The following NRXN1 variants were observed in gnomAD, a reference collection of about 807,000 sequenced individuals.
NRXN1 encodes the protein neurexin 1, also known as neurexin-1.
Under a neutral mutation model 150.9 loss-of-function variants are expected in NRXN1, and 39 were observed. The ratio of observed to expected loss-of-function variants is 0.26; its 90% CI spans 0.20 to 0.34. The LOEUF is 0.34. NRXN1 is among the 10% of genes least tolerant of loss of function. NRXN1 has a pLI of 1.00. For missense variants in NRXN1, 1,815 were observed against 1,949.9 expected, an observed-to-expected ratio of 0.93 and a Z score of 1.30; for synonymous variants, 924 against 757.0, an observed-to-expected ratio of 1.22 and a Z score of -3.62.
Position 51,028,199 on chromosome 2 carries a change from C to T in NRXN1, c.75G>A (p.Ala25=), listed in dbSNP as rs376641324. ...GAAACTCCAGCCCGCTGCCCAGCTC[C>T]GCCCAGCAGCCCAGGAGCAGCAGCG... ...CLSLLLLGCW[A]ELGSGLEFPG... is the part of the protein sequence containing the mutation. Residue 25 remains alanine, a synonymous_variant, in exon 2 of 23, where the codon GCG becomes GCA. Transcript: ENST00000401669. The T allele has an allele frequency of 7.4e-6, 11 of 1,492,806 alleles. No individual in the cohort carries two copies. The highest frequency in any genetic ancestry group is 9.8e-6 in the Non-Finnish European group (11 of 1,127,402). 92.5% of individuals were successfully genotyped at this position (1,492,806 alleles called of 1,614,324 possible). A position where few individuals can be genotyped will look rare whatever the true frequency, so the allele number is the denominator to read the frequency against.
intron 5 of NRXN1, among the ~76,000 whole-genome samples, chr2:50,771,916 C>A (rs1703056912): frequency 6.6e-6 from 1 of 151,904 alleles, no homozygotes. Flanking sequence ...CAAATGATAA[C>A]AAAACAGATA....
At chr2:50,649,756 C>G (rs1258678285) in intron 5 of NRXN1, among the ~76,000 whole-genome samples, 1 of 151,964 alleles carries the variant, frequency 6.6e-6, no homozygotes, top group Non-Finnish European at 1.5e-5. Flanking sequence ...GAAGGCAACT[C>G]CTTAGAGCAA....
chr2:50,680,525 A>C (rs955101084), intron 5 of NRXN1, among the ~76,000 whole-genome samples: 3 of 152,212 alleles, frequency 2.0e-5, no homozygotes, highest in Admixed American at 2.0e-4. Flanking sequence ...AAAGTCAAAC[A>C]TATGAATAAA....
In NRXN1 at chr2:50,566,409, A is replaced by ATTTTTTTT. The variant is rs35437819; in HGVS notation, c.1321-13392_1321-13385dup. Among the ~76,000 whole-genome samples, 19 of 130,054 alleles carry ATTTTTTTT rather than the reference A, an allele frequency of 1.5e-4. 1 individual carries two copies. Among genetic ancestry groups the ATTTTTTTT allele is most frequent in the African/African-American group, 5.0e-4 (17 of 34,010 alleles). The allele number at this position is 130,054 out of a possible 152,430, so 85.3% of individuals were successfully genotyped here. On this transcript the variant is annotated intron_variant, in intron 8 of 22. Transcript: ENST00000401669. Reference sequence around the variant, plus strand: ...CAGGCACGTGCCACCACGCCCAGCTATTTTTTTTTTTTTTTTTGTATTTTT... The same window carrying ATTTTTTTT: ...CAGGCACGTGCCACCACGCCCAGCTATTTTTTTTTTTTTTTTTTTTTTTTTGTATTTTT...
intron 8 of NRXN1, among the ~76,000 whole-genome samples, chr2:50,561,781 T>C (rs1669120902): frequency 6.7e-6 from 1 of 149,108 alleles, no homozygotes; most frequent in East Asian, 2.0e-4. Flanking sequence ...AAAATTGCAG[T>C]AATTTCCCCC....
intron 12 of NRXN1, among the ~76,000 whole-genome samples, chr2:50,524,602 CA>C (rs1243800472): frequency 1.3e-5 from 2 of 151,812 alleles, no homozygotes; most frequent in East Asian, 1.9e-4. Context: ...TTTGGAAAAA[CA>C]AAAAGAATAG....
intron 19 of NRXN1, among the ~76,000 whole-genome samples, chr2:50,088,278 G>A (rs556797692): frequency 2.6e-5 from 4 of 152,212 alleles, no homozygotes; most frequent in African/African-American, 9.6e-5. Flanking sequence ...AGAGAAAAAG[G>A]TATTTGAAAT....
chr2:50,196,948 C>G (rs2061811162), intron 18 of NRXN1, among the ~76,000 whole-genome samples: 1 of 152,090 alleles, frequency 6.6e-6, no homozygotes, highest in Admixed American at 6.6e-5. Flanking sequence ...AAAAAGACAA[C>G]TGTCGGGTAC....
At chr2:50,935,099 T>C (rs1688327247) in intron 2 of NRXN1, among the ~76,000 whole-genome samples, 1 of 152,210 alleles carries the variant, frequency 6.6e-6, no homozygotes, top group South Asian at 2.1e-4. Flanking sequence ...TGTAAGAGTT[T>C]AATAAGCTTT....
At chr2:50,824,930 T>C (rs992960294) in intron 5 of NRXN1, among the ~76,000 whole-genome samples, 9 of 152,218 alleles carry the variant, frequency 5.9e-5, no homozygotes, top group Admixed American at 5.9e-4. Flanking sequence ...CAATTTGTTA[T>C]TATGTTTTTC....
In NRXN1 at chr2:51,027,503, T is replaced by C. The variant is rs1307802785; in HGVS notation, c.771A>G (p.Gln257=). The C allele has an allele frequency of 1.9e-5, 29 of 1,524,820 alleles. No individual in the cohort carries two copies. Among genetic ancestry groups the C allele is most frequent in the Admixed American group, 4.0e-5 (2 of 49,526 alleles). The allele number at this position is 1,524,820 out of a possible 1,614,324, so 94.5% of individuals were successfully genotyped here. ...RTGFRGKDCS[Q]EDNNVEGLAH... Reference sequence around the variant, plus strand: ...CGTGGGTCGGGCGTCGGGCCTTACCTTGGCTGCAGTCCTTGCCGCGGAAGC... The same window carrying C: ...CGTGGGTCGGGCGTCGGGCCTTACCCTGGCTGCAGTCCTTGCCGCGGAAGC... The change falls in exon 2 of 23, where the codon CAA becomes CAG. Residue 257 remains glutamine (Q), a splice_region_variant and synonymous_variant. Coordinates refer to ENST00000401669, the MANE Select transcript of NRXN1 (RefSeq NM_001330078.2).
chr2:50,610,203 A>G (rs1334958694), intron 8 of NRXN1, among the ~76,000 whole-genome samples: 12 of 152,164 alleles, frequency 7.9e-5, no homozygotes, highest in Admixed American at 7.9e-4. Context: ...TGAACTTCAG[A>G]TTTTTAAAAA....
intron 8 of NRXN1, among the ~76,000 whole-genome samples, chr2:50,568,205 T>C (rs1323511828): frequency 6.6e-6 from 1 of 152,054 alleles, no homozygotes; most frequent in African/African-American, 2.4e-5. Flanking sequence ...ATAATGATCC[T>C]AAGAAACTCT....
intron 18 of NRXN1, among the ~76,000 whole-genome samples, chr2:50,227,518 T>C (rs1476443160): frequency 6.6e-6 from 1 of 151,936 alleles, no homozygotes; most frequent in African/African-American, 2.4e-5. Context: ...AGCTCATAAG[T>C]GAGCAAAATT....
At chr2:50,259,279 T>G (rs1373125535) in intron 17 of NRXN1, among the ~76,000 whole-genome samples, 2 of 151,794 alleles carry the variant, frequency 1.3e-5, no homozygotes, top group Non-Finnish European at 2.9e-5. Flanking sequence ...TTAGCTAAAT[T>G]TTTTTTTATA....
chr2:50,802,540 A>AGGAG (rs1707756349), intron 5 of NRXN1, among the ~76,000 whole-genome samples: 2 of 147,210 alleles, frequency 1.4e-5, no homozygotes, highest in Admixed American at 6.8e-5. Context: ...GAAGGAAGGA[A>AGGAG]GGAAGGAAGG....
intron 5 of NRXN1, among the ~76,000 whole-genome samples, chr2:50,667,531 A>C (rs1688241092): frequency 6.6e-6 from 1 of 151,962 alleles, no homozygotes; most frequent in Admixed American, 6.6e-5. Context: ...ATTTATAATG[A>C]CCAGGATAGA....
intron 17 of NRXN1, among the ~76,000 whole-genome samples, chr2:50,393,430 G>A (rs1480609704): frequency 1.3e-5 from 2 of 152,072 alleles, no homozygotes; most frequent in Admixed American, 6.6e-5. Flanking sequence ...CAGGGAGAAG[G>A]ATTACAGGAT....
chr2:50,047,547 A>G (rs1692007675), intron 21 of NRXN1, among the ~76,000 whole-genome samples: 1 of 152,106 alleles, frequency 6.6e-6, no homozygotes, highest in Non-Finnish European at 1.5e-5. Flanking sequence ...CTATCCATAC[A>G]GGGTGCAGTC....
Sources: allele counts gnomAD v4.1 joint callset (sites outside exome capture counted in the v4.1 genomes callset), GRCh38; gene constraint gnomAD v4.1.1; transcripts MANE v1.5; gene names NCBI Gene and HGNC (gene_info 2026-07-23, HGNC 2026-07-21).